PTPN3: variants seen among roughly 807,000 people sequenced by gnomAD.
The protein encoded by PTPN3 is protein tyrosine phosphatase non-receptor type 3.
PTPN3 carries 96 observed loss-of-function variants against 132.7 expected under a neutral mutation model. The ratio of observed to expected loss-of-function variants is 0.72; its 90% CI spans 0.61 to 0.86. PTPN3 has a LOEUF of 0.86. Ranked by LOEUF, PTPN3 falls within the 40% of genes least tolerant of loss-of-function variation. The pLI, the probability that PTPN3 is intolerant of heterozygous loss-of-function variation, is 0.00. For missense variants in PTPN3, 1,125 were observed against 1,159.6 expected (o/e 0.97, Z 0.43); for synonymous variants, 398 against 429.0 (o/e 0.93, Z 0.89).
the PTPN3 span, among the ~76,000 whole-genome samples, chr9:109,534,695 G>C: frequency 1.5e-4 from 22 of 150,302 alleles, no homozygotes; most frequent in Admixed American, 4.0e-4. Context: ...CCAGCTACTC[G>C]GGAGGCTGAG....
chr9:109,389,302 A>G lies in PTPN3; in HGVS notation c.2184T>C (p.Phe728=), dbSNP rs1839859583. The change falls in exon 22 of 26, where the codon TTT becomes TTC. Residue 728 remains phenylalanine, a synonymous_variant. Coordinates refer to ENST00000374541, the MANE Select transcript of PTPN3 (RefSeq NM_002829.4). The part of the protein sequence containing the change: ...QGPLPHTCAQ[F]WQVVWDQKLS... The stretch of plus-strand genomic sequence containing the variant: ...ACTTCTGATCCCAGACAACCTGCCA[A>G]AACTGTGCACAGGTATGCGGCAGGG... The G allele has an allele frequency of 2.5e-6, 4 of 1,614,070 alleles. No homozygotes were observed. Among genetic ancestry groups the G allele is most frequent in the African/African-American group, 1.3e-5 (1 of 74,930 alleles).
chr9:109,380,278 CAG>C (rs1838952725), intron 25 of PTPN3, among the ~76,000 whole-genome samples: 1 of 143,028 alleles, frequency 7.0e-6, no homozygotes, highest in African/African-American at 2.6e-5. Flanking sequence ...GTTTTCAAGA[CAG>C]AGTCCTGTTC....
At chr9:109,380,214 A>AATCTATCTATCT (rs55963327) in intron 25 of PTPN3, among the ~76,000 whole-genome samples, 5,649 of 145,842 alleles carry the variant, frequency 0.039, 117 homozygotes, top group East Asian at 0.051. Context: ...CAGCTAGGAA[A>AATCTATCTATCT]ATCTATCTAT....
chr9:109,513,434 C>T, the PTPN3 span, among the ~76,000 whole-genome samples: 1 of 152,196 alleles, frequency 6.6e-6, no homozygotes, highest in Non-Finnish European at 1.5e-5. Flanking sequence ...GTTACGAGCT[C>T]CCCTAGACAT....
the PTPN3 span, chr9:109,533,539 T>C: frequency 6.2e-7 from 1 of 1,600,870 alleles, no homozygotes. Context: ...GTTGATTTTC[T>C]TTATCCTCTT....
chr9:109,527,582 G>T, the PTPN3 span, among the ~76,000 whole-genome samples: 1 of 152,190 alleles, frequency 6.6e-6, no homozygotes, highest in Non-Finnish European at 1.5e-5. Context: ...GTTAACAGTA[G>T]TTTATTGTGT....
chr9:109,424,260 G>A (rs568728902), intron 12 of PTPN3, among the ~76,000 whole-genome samples: 135 of 152,272 alleles, frequency 8.9e-4, no homozygotes, highest in African/African-American at 3.2e-3. Context: ...GTATCTCTAG[G>A]GGCTGGGCAA....
At chr9:109,524,502 A>G in the PTPN3 span, among the ~76,000 whole-genome samples, 9 of 152,342 alleles carry the variant, frequency 5.9e-5, no homozygotes, top group Admixed American at 5.9e-4. Flanking sequence ...CACACTCAGA[A>G]TCATGAGCCT....
intron 5 of PTPN3, chr9:109,450,582 G>A (rs1845182616): frequency 1.0e-6 from 1 of 984,932 alleles, no homozygotes; most frequent in Non-Finnish European, 1.2e-6. Context: ...CTAGAATAGT[G>A]GAACCCAACC....
intron 1 of PTPN3, among the ~76,000 whole-genome samples, chr9:109,490,106 CCAGGAGGCA>C (rs1386572421): frequency 6.6e-6 from 1 of 151,958 alleles, no homozygotes; most frequent in East Asian, 1.9e-4. Flanking sequence ...TCACTTGAAC[CCAGGAGGCA>C]GAGGTTGCAG....
At chr9:109,470,514 T>C (rs1419276222) in intron 1 of PTPN3, among the ~76,000 whole-genome samples, 1 of 146,960 alleles carries the variant, frequency 6.8e-6, no homozygotes, top group Middle Eastern at 3.2e-3. Context: ...AATTTACTAG[T>C]GAGACCATCA....
the PTPN3 span, among the ~76,000 whole-genome samples, chr9:109,534,627 A>T: frequency 3.4e-5 from 4 of 117,078 alleles, no homozygotes; most frequent in South Asian, 6.5e-4. Flanking sequence ...AAATACAAAA[A>T]AATACAAAAA....
At chr9:109,484,688 C>T (rs117826596) in intron 1 of PTPN3, among the ~76,000 whole-genome samples, 1 of 152,296 alleles carries the variant, frequency 6.6e-6, no homozygotes, top group South Asian at 2.1e-4. Flanking sequence ...TCAAAGTCAG[C>T]AGCACCCTTG....
At chr9:109,410,449 T>G (rs1841996369) in intron 14 of PTPN3, 34 bp from the exon 15 acceptor site, 1 of 1,596,550 alleles carries the variant, frequency 6.3e-7, no homozygotes, top group Non-Finnish European at 8.6e-7. Flanking sequence ...TATTAATAAC[T>G]GGGTTAATAT....
At chr9:109,528,021 A>G in the PTPN3 span, among the ~76,000 whole-genome samples, 1 of 152,248 alleles carries the variant, frequency 6.6e-6, no homozygotes, top group Admixed American at 6.5e-5. Flanking sequence ...GTTCAACATC[A>G]TTATGCATTA....
At position 109,378,111 on chromosome 9, in the gene PTPN3, GAAT is replaced by G. The variant is rs1336236421; in HGVS notation, c.*1442_*1444del. On this transcript the variant is annotated 3_prime_UTR_variant, in exon 26 of 26. Coordinates refer to ENST00000374541, the MANE Select transcript of PTPN3 (RefSeq NM_002829.4). ...CTATTCAATTGGCACCGAATTTGCT[GAAT>G]ATCAAAATGGCTTCATTTATGTGCA... is the stretch of plus-strand genomic sequence containing the variant. The G allele has an allele frequency of 6.6e-6, 1 of 152,184 alleles. No individual in the cohort carries two copies. Among genetic ancestry groups the G allele is most frequent in the Non-Finnish European group, 1.5e-5 (1 of 68,038 alleles). 9.4% of individuals were successfully genotyped at this position (152,184 alleles called of 1,614,324 possible). A position where few individuals can be genotyped will look rare whatever the true frequency, so the allele number is the denominator to read the frequency against.
chr9:109,386,829 G>A (rs954591418), intron 22 of PTPN3, among the ~76,000 whole-genome samples: 4 of 152,196 alleles, frequency 2.6e-5, no homozygotes, highest in Non-Finnish European at 5.9e-5. Context: ...GAAAGGTATC[G>A]CTGAAAGCTG....
intron 13 of PTPN3, among the ~76,000 whole-genome samples, chr9:109,421,688 A>C (rs1156445344): frequency 6.6e-6 from 1 of 152,270 alleles, no homozygotes; most frequent in Non-Finnish European, 1.5e-5. Context: ...TAAATGTTGG[A>C]AACCAAGAAG....
chr9:109,419,115 C>T (rs1035814640), intron 14 of PTPN3, among the ~76,000 whole-genome samples: 6 of 152,236 alleles, frequency 3.9e-5, no homozygotes, highest in African/African-American at 1.2e-4. Context: ...CAAGTTGGAA[C>T]AAGAGATAGC....
Sources: allele counts gnomAD v4.1 joint callset (sites outside exome capture counted in the v4.1 genomes callset), GRCh38; gene constraint gnomAD v4.1.1; transcripts MANE v1.5; gene names NCBI Gene and HGNC (gene_info 2026-07-23, HGNC 2026-07-21).